The following TRAPPC8 variants were observed in gnomAD, a reference collection of about 807,000 sequenced individuals.
The protein encoded by TRAPPC8 is trafficking protein particle complex subunit 8, also known as general sporulation gene 1 homolog.
Under a neutral mutation model 174.3 loss-of-function variants are expected in TRAPPC8, and 54 were observed. The observed-to-expected ratio is 0.31, with a 90% CI of 0.25 to 0.39. The LOEUF (loss-of-function observed/expected upper bound fraction) is 0.39. Among genes scored for constraint, TRAPPC8 ranks in the 10% least tolerant of loss-of-function variants. TRAPPC8 has a pLI of 1.00. For missense variants in TRAPPC8, 1,531 were observed against 1,699.1 expected (o/e 0.90, Z 1.74); for synonymous variants, 630 against 579.9 (o/e 1.09, Z -1.24).
At chr18:31,864,822 T>C (rs2034509424) in intron 18 of TRAPPC8, 41 bp from the exon 19 acceptor site, 1 of 1,536,470 alleles carries the variant, frequency 6.5e-7, no homozygotes, top group African/African-American at 1.4e-5. Context: ...TAATTTGGTA[T>C]GTTAACTGAC....
At chr18:31,898,444 A>G (rs933824741) in intron 10 of TRAPPC8, among the ~76,000 whole-genome samples, 14 of 152,252 alleles carry the variant, frequency 9.2e-5, no homozygotes, top group African/African-American at 3.1e-4. Flanking sequence ...ATGCAAAGTC[A>G]TATCTCCTGC....
intron 28 of TRAPPC8, among the ~76,000 whole-genome samples, chr18:31,831,539 T>C (rs1246929054): frequency 6.6e-6 from 1 of 152,198 alleles, no homozygotes. Context: ...TTAGTATATG[T>C]TGGAACTTGA....
chr18:31,850,311 A>G (rs951233775), intron 24 of TRAPPC8, among the ~76,000 whole-genome samples: 3 of 152,184 alleles, frequency 2.0e-5, no homozygotes, highest in African/African-American at 7.2e-5. Flanking sequence ...CTCCCATAAC[A>G]TTAGCTTTGA....
chr18:31,917,472 T>C, intron 3 of TRAPPC8, 106 bp downstream of exon 3: 1 of 942,246 alleles, frequency 1.1e-6, no homozygotes, highest in Non-Finnish European at 1.6e-6. Context: ...AAAAAATAAT[T>C]TATCTATTCT....
At chr18:31,938,139 C>T (rs2144318325) in intron 1 of TRAPPC8, among the ~76,000 whole-genome samples, 1 of 152,158 alleles carries the variant, frequency 6.6e-6, no homozygotes, top group East Asian at 1.9e-4. Context: ...TTGTTTAGAA[C>T]TATCAAAGAA....
chr18:31,928,150 C>T (rs934423883), intron 2 of TRAPPC8, among the ~76,000 whole-genome samples: 8 of 147,202 alleles, frequency 5.4e-5, no homozygotes, highest in Admixed American at 1.4e-4. Context: ...AGTGAGACTC[C>T]GACTAAAAAA....
intron 14 of TRAPPC8, among the ~76,000 whole-genome samples, chr18:31,872,208 TTC>T (rs999525200): frequency 3.3e-5 from 5 of 152,174 alleles, no homozygotes; most frequent in African/African-American, 7.2e-5. Context: ...GTATTTGACT[TTC>T]TGTTTCTGAG....
At chr18:31,904,308 G>A (rs1214957494) in intron 9 of TRAPPC8, among the ~76,000 whole-genome samples, 1 of 151,926 alleles carries the variant, frequency 6.6e-6, no homozygotes, top group Non-Finnish European at 1.5e-5. Flanking sequence ...CCAACATTTT[G>A]AGAGACCGAG....
At chr18:31,874,287 T>G in intron 13 of TRAPPC8, 193 bp downstream of exon 13, 1 of 547,460 alleles carries the variant, frequency 1.8e-6, no homozygotes, top group East Asian at 2.9e-5. Context: ...ATATTAAAAT[T>G]CTCTTTTCAA....
chr18:31,866,937 C>G lies in TRAPPC8; in HGVS notation c.2502G>C (p.Leu834=). 1 of 1,613,568 alleles carries G rather than the reference C, an allele frequency of 6.2e-7. No individual in the cohort carries two copies. The highest frequency in any genetic ancestry group is 8.5e-7 in the Non-Finnish European group (1 of 1,179,666). The change falls in exon 18 of 29, where the codon CTG becomes CTC. Residue 834 remains leucine (L), a synonymous_variant. Coordinates refer to ENST00000283351, the MANE Select transcript of TRAPPC8 (RefSeq NM_014939.5). ...GATTATAAACAACTCCCAGAATATG[C>G]AGCTCCCCTATGTGATGGGGAAAGA... is the stretch of plus-strand genomic sequence containing the variant. ...LKLFPHHIGE[L]HILGVVYNLG...
At chr18:31,893,288 T>C (rs1044847126) in intron 11 of TRAPPC8, among the ~76,000 whole-genome samples, 1 of 152,166 alleles carries the variant, frequency 6.6e-6, no homozygotes, top group Non-Finnish European at 1.5e-5. Flanking sequence ...CACACTCTCT[T>C]TGCCTTTATA....
intron 12 of TRAPPC8, chr18:31,883,434 G>C (rs955467378): frequency 6.6e-6 from 1 of 152,294 alleles, no homozygotes; most frequent in African/African-American, 2.4e-5. Context: ...AAGATAGACA[G>C]TAGAGTGGGT....
At chr18:31,848,089 C>T (rs371525424) in intron 25 of TRAPPC8, among the ~76,000 whole-genome samples, 11 of 151,954 alleles carry the variant, frequency 7.2e-5, no homozygotes, top group African/African-American at 2.7e-4. Flanking sequence ...AGAACTCTAA[C>T]TAAAACAAAC....
Position 31,907,478 on chromosome 18 carries a change from A to G in TRAPPC8, c.1371T>C (p.Leu457=). 6.2e-7 allele frequency: 1 copy of G among 1,604,250 alleles called. No individual in the cohort carries two copies. The highest frequency in any genetic ancestry group is 8.5e-7 in the Non-Finnish European group (1 of 1,174,096). The part of the protein sequence containing the change: ...KKDFLNDQAM[L]YAAGALEMAA... ...TACCAACCAAGGCACCAGCTGCATA[A>G]AGCATTGCTTGATCATTAAGAAAAT... Residue 457 remains leucine (L), a synonymous_variant, in exon 9 of 29, where the codon CTT becomes CTC. Transcript: ENST00000283351.
chr18:31,876,506 A>AC (rs2035159341), intron 12 of TRAPPC8, among the ~76,000 whole-genome samples: 1 of 150,090 alleles, frequency 6.7e-6, no homozygotes, highest in Non-Finnish European at 1.5e-5. Flanking sequence ...AAAAAAAAAA[A>AC]AAAAAAGATC....
At chr18:31,838,047 G>A (rs770642316) in intron 27 of TRAPPC8, among the ~76,000 whole-genome samples, 2 of 150,936 alleles carry the variant, frequency 1.3e-5, no homozygotes, top group Non-Finnish European at 2.9e-5. Context: ...ATAGCTGACC[G>A]TAGCCTCAAA....
In TRAPPC8 at chr18:31,919,577, TAA is replaced by T. The variant is rs1418686576; in HGVS notation, c.353-1912_353-1911del. Among the ~76,000 whole-genome samples the T allele has an allele frequency of 4.2e-5, 5 of 120,192 alleles. 1 individual carries two copies. The South Asian group carries it at 9.8e-4, about 24-fold the overall frequency. 78.9% of individuals were successfully genotyped at this position (120,192 alleles called of 152,430 possible). On this transcript the variant is annotated intron_variant, in intron 2 of 28. Coordinates refer to ENST00000283351, the MANE Select transcript of TRAPPC8 (RefSeq NM_014939.5). ...ATAAATAAATAAATAAATAAATAAA[TAA>T]ATAAATAAATAAAATAATAATAATC...
At chr18:31,937,564 T>C (rs1165006068) in intron 1 of TRAPPC8, 3 of 152,156 alleles carry the variant, frequency 2.0e-5, no homozygotes, top group Non-Finnish European at 4.4e-5. Flanking sequence ...ATACTAAAAT[T>C]GGAATGATAC....
At chr18:31,936,422 C>T (rs1395848229) in intron 1 of TRAPPC8, among the ~76,000 whole-genome samples, 1 of 152,010 alleles carries the variant, frequency 6.6e-6, no homozygotes, top group Non-Finnish European at 1.5e-5. Flanking sequence ...CATGATCATG[C>T]CCCCTGTATC....
Sources: allele counts gnomAD v4.1 joint callset (sites outside exome capture counted in the v4.1 genomes callset), GRCh38; gene constraint gnomAD v4.1.1; transcripts MANE v1.5; gene names NCBI Gene and HGNC (gene_info 2026-07-23, HGNC 2026-07-21).